FAM107B: variants seen among roughly 807,000 people sequenced by gnomAD.
FAM107B encodes protein FAM107B.
Under a neutral mutation model 31.5 loss-of-function variants are expected in FAM107B, and 21 were observed. The observed-to-expected ratio is 0.67, with a 90% CI of 0.47 to 0.96. The LOEUF (loss-of-function observed/expected upper bound fraction) is 0.96. Among genes scored for constraint, FAM107B ranks in the 40% least tolerant of loss-of-function variants. FAM107B has a pLI of 0.00. For synonymous variants in FAM107B, 157 were observed against 141.5 expected, an observed-to-expected ratio of 1.11 and a Z score of -0.78; for missense variants, 452 against 377.1, an observed-to-expected ratio of 1.20 and a Z score of -1.64.
intron 1 of FAM107B, among the ~76,000 whole-genome samples, chr10:14,726,480 A>C (rs1454966718): frequency 6.6e-6 from 1 of 152,196 alleles, no homozygotes; most frequent in African/African-American, 2.4e-5. Flanking sequence ...ACAGTGCAGC[A>C]TGGAGCCAGA....
intron 2 of FAM107B, among the ~76,000 whole-genome samples, chr10:14,610,235 C>T (rs1036242743): frequency 4.0e-5 from 6 of 151,752 alleles, no homozygotes; most frequent in Admixed American, 1.3e-4. Context: ...CCCAGCTACT[C>T]GGGAGGCTGA....
intron 2 of FAM107B, among the ~76,000 whole-genome samples, chr10:14,640,794 G>T (rs1853608501): frequency 6.6e-6 from 1 of 152,138 alleles, no homozygotes; most frequent in East Asian, 1.9e-4. Flanking sequence ...GCTAGTTAAT[G>T]ATTCCTGGGC....
intron 1 of FAM107B, among the ~76,000 whole-genome samples, chr10:14,730,936 G>A (rs1280759016): frequency 1.3e-5 from 2 of 152,092 alleles, no homozygotes; most frequent in African/African-American, 2.4e-5. Context: ...GACTTTAGGG[G>A]TGAGGGAGTG....
chr10:14,723,685 AC>A, intron 1 of FAM107B: 1 of 752,048 alleles, frequency 1.3e-6, no homozygotes, highest in South Asian at 1.4e-5. Flanking sequence ...GGGGTCAGTA[AC>A]CACAAGAAGT....
At chr10:14,608,649 C>G (rs1373865290) in intron 2 of FAM107B, among the ~76,000 whole-genome samples, 8 of 152,186 alleles carry the variant, frequency 5.3e-5, no homozygotes, top group Admixed American at 5.2e-4. Flanking sequence ...ACAACAGCCC[C>G]GTCCAGGAGG....
chr10:14,524,260 C>A (rs1357022698), intron 3 of FAM107B, among the ~76,000 whole-genome samples: 1 of 152,064 alleles, frequency 6.6e-6, no homozygotes, highest in African/African-American at 2.4e-5. Flanking sequence ...CCAGGCTGGT[C>A]TCGAACTCCT....
intron 2 of FAM107B, among the ~76,000 whole-genome samples, chr10:14,585,943 C>A (rs576089865): frequency 4.1e-4 from 63 of 152,214 alleles, no homozygotes; most frequent in Non-Finnish European, 7.1e-4. Flanking sequence ...GAAATGCACT[C>A]TCCCTGCATA....
chr10:14,572,646 G>A (rs1851303246), intron 2 of FAM107B, among the ~76,000 whole-genome samples: 1 of 150,038 alleles, frequency 6.7e-6, no homozygotes, highest in African/African-American at 2.5e-5. Context: ...AGGAGTTTGA[G>A]GCTGTAGTGC....
intron 2 of FAM107B, among the ~76,000 whole-genome samples, chr10:14,602,015 T>G (rs1852414859): frequency 6.6e-6 from 1 of 152,226 alleles, no homozygotes; most frequent in Admixed American, 6.5e-5. Context: ...CAAGTCCATT[T>G]TTAACCACCC....
chr10:14,684,654 A>G (rs558182053), intron 1 of FAM107B, among the ~76,000 whole-genome samples: 1 of 152,256 alleles, frequency 6.6e-6, no homozygotes, highest in African/African-American at 2.4e-5. Flanking sequence ...ATTGTGAATG[A>G]TAGAATGTGA....
At chr10:14,743,701 C>G (rs962385942) in intron 1 of FAM107B, among the ~76,000 whole-genome samples, 10 of 152,104 alleles carry the variant, frequency 6.6e-5, no homozygotes, top group Admixed American at 5.2e-4. Context: ...CTATTCTGTT[C>G]CATTGGTCTA....
chr10:14,527,168 A>G (rs1846353045), intron 3 of FAM107B, among the ~76,000 whole-genome samples: 2 of 151,450 alleles, frequency 1.3e-5, no homozygotes, highest in African/African-American at 4.9e-5. Context: ...GATCCCTTCA[A>G]TAGTAATCTT....
Position 14,739,265 on chromosome 10 carries a change from C to T in FAM107B, c.411+34988G>A, listed in dbSNP as rs937251550. On this transcript the variant is annotated intron_variant, in intron 1 of 4. Coordinates refer to ENST00000181796, the MANE Select transcript of FAM107B (RefSeq NM_031453.4). Reference sequence around the variant, plus strand: ...CCATGACGGGAGTGCTAATCTGCCACGGTGTCCCACCTTGGGATCTGACCA... The same window carrying T: ...CCATGACGGGAGTGCTAATCTGCCATGGTGTCCCACCTTGGGATCTGACCA... 3.3e-5 allele frequency among the ~76,000 whole-genome samples: 5 copies of T among 152,218 alleles called. No individual in the cohort carries two copies. The South Asian group carries it at 6.2e-4, about 19-fold the overall frequency.
intron 1 of FAM107B, among the ~76,000 whole-genome samples, chr10:14,712,419 T>C (rs1286763050): frequency 5.9e-5 from 9 of 151,920 alleles, no homozygotes; most frequent in Non-Finnish European, 1.3e-4. Context: ...GGTGAAACCC[T>C]GTCTCTACTA....
At chr10:14,591,980 A>G (rs1852036037) in intron 2 of FAM107B, among the ~76,000 whole-genome samples, 1 of 152,240 alleles carries the variant, frequency 6.6e-6, no homozygotes, top group Non-Finnish European at 1.5e-5. Context: ...TTCTATATGT[A>G]TACAGCTTTA....
At chr10:14,528,063 C>T (rs1471214564) in intron 3 of FAM107B, 2 of 367,108 alleles carry the variant, frequency 5.4e-6, no homozygotes, top group African/African-American at 2.4e-5. Flanking sequence ...GGAGAAAAAG[C>T]AATAGGAAAT....
chr10:14,747,919 C>T (rs1306370275), intron 1 of FAM107B, among the ~76,000 whole-genome samples: 1 of 152,234 alleles, frequency 6.6e-6, no homozygotes, highest in Non-Finnish European at 1.5e-5. Flanking sequence ...TATGATCCAT[C>T]TCTGCCTGTC....
At chr10:14,762,026 A>G (rs9988690) in intron 1 of FAM107B, among the ~76,000 whole-genome samples, 3,535 of 152,222 alleles carry the variant, frequency 0.023, 140 homozygotes, top group African/African-American at 0.081. Context: ...ATTTTAAAAT[A>G]CCGTAGTGTA....
At chr10:14,590,149 G>A (rs1028812103) in intron 2 of FAM107B, among the ~76,000 whole-genome samples, 2 of 152,198 alleles carry the variant, frequency 1.3e-5, no homozygotes, top group African/African-American at 4.8e-5. Flanking sequence ...CACCAAAAAT[G>A]AAGAATCTTG....
Sources: allele counts gnomAD v4.1 joint callset (sites outside exome capture counted in the v4.1 genomes callset), GRCh38; gene constraint gnomAD v4.1.1; transcripts MANE v1.5; gene names NCBI Gene and HGNC (gene_info 2026-07-23, HGNC 2026-07-21).